ROBO2: variants seen among roughly 807,000 people sequenced by gnomAD.
ROBO2 encodes the protein roundabout homolog 2.
ROBO2 carries 53 observed loss-of-function variants against 160.8 expected under a neutral mutation model. The observed-to-expected ratio is 0.33, with a 90% CI of 0.26 to 0.41. ROBO2 has a LOEUF of 0.41. Among genes scored for constraint, ROBO2 ranks in the 10% least tolerant of loss-of-function variants. The pLI, the probability that ROBO2 is intolerant of heterozygous loss-of-function variation, is 1.00. For synonymous variants in ROBO2, 664 were observed against 611.7 expected (o/e 1.09, Z -1.26); for missense variants, 1,577 against 1,722.4 (o/e 0.92, Z 1.49).
chr3:76,287,641 T>C (rs1223943339), intron 2 of ROBO2, among the ~76,000 whole-genome samples: 1 of 152,170 alleles, frequency 6.6e-6, no homozygotes, highest in Non-Finnish European at 1.5e-5. Context: ...TTTTGCGTAT[T>C]GGAAGGCAGT....
At chr3:77,166,863 CAG>C (rs1439604525) in intron 2 of ROBO2, among the ~76,000 whole-genome samples, 2 of 152,164 alleles carry the variant, frequency 1.3e-5, no homozygotes, top group Non-Finnish European at 2.9e-5. Flanking sequence ...CCGGCCGACA[CAG>C]AGGTTTTTAA....
intron 1 of ROBO2, among the ~76,000 whole-genome samples, chr3:77,057,723 A>G (rs1236541676): frequency 1.3e-5 from 2 of 151,944 alleles, no homozygotes; most frequent in Non-Finnish European, 2.9e-5. Flanking sequence ...GGCACGTGCC[A>G]CCACACTCAG....
intron 6 of ROBO2, among the ~76,000 whole-genome samples, chr3:77,541,851 A>C (rs1429060709): frequency 6.6e-6 from 1 of 152,212 alleles, no homozygotes; most frequent in Non-Finnish European, 1.5e-5. Flanking sequence ...TGCCATTTTT[A>C]TAACAGGCAT....
intron 2 of ROBO2, among the ~76,000 whole-genome samples, chr3:76,591,839 C>G (rs1043161709): frequency 2.6e-5 from 4 of 151,964 alleles, no homozygotes; most frequent in African/African-American, 9.7e-5. Flanking sequence ...TTGGGGCTCT[C>G]TGTGTGAAAG....
chr3:77,068,500 T>C (rs2067090950), intron 1 of ROBO2, among the ~76,000 whole-genome samples: 1 of 152,120 alleles, frequency 6.6e-6, no homozygotes, highest in Admixed American at 6.6e-5. Context: ...TTTCCATTGC[T>C]GGTTTCTAAA....
intron 2 of ROBO2, among the ~76,000 whole-genome samples, chr3:77,339,760 T>G (rs1043147142): frequency 6.6e-6 from 1 of 150,852 alleles, no homozygotes; most frequent in Non-Finnish European, 1.5e-5. Context: ...ATAATATATA[T>G]TTTAAAAAAA....
chr3:77,353,602 C>A (rs997486913), intron 2 of ROBO2, among the ~76,000 whole-genome samples: 7 of 152,106 alleles, frequency 4.6e-5, no homozygotes, highest in African/African-American at 1.7e-4. Context: ...CCTCCGCCTC[C>A]TGGGTTCAGG....
intron 2 of ROBO2, among the ~76,000 whole-genome samples, chr3:76,509,156 G>C (rs1296786403): frequency 6.6e-6 from 1 of 152,102 alleles, no homozygotes; most frequent in Non-Finnish European, 1.5e-5. Context: ...TGTAGAAAAA[G>C]GTAGTTTTTC....
At chr3:77,571,260 T>A (rs184594729) in intron 13 of ROBO2, among the ~76,000 whole-genome samples, 2 of 152,156 alleles carry the variant, frequency 1.3e-5, no homozygotes, top group East Asian at 3.9e-4. Flanking sequence ...TTGCTTTATA[T>A]TGAGTTGTTA....
chr3:76,921,608 T>C (rs951700489), intron 2 of ROBO2, among the ~76,000 whole-genome samples: 2 of 152,206 alleles, frequency 1.3e-5, no homozygotes, highest in Non-Finnish European at 2.9e-5. Context: ...CAAGTCTCTG[T>C]ACCTAATTTT....
chr3:76,598,316 G>GT (rs1188491019), intron 2 of ROBO2, among the ~76,000 whole-genome samples: 1 of 151,896 alleles, frequency 6.6e-6, no homozygotes, highest in Admixed American at 6.6e-5. Flanking sequence ...TGTTTGTTTT[G>GT]TTTTTTTGTT....
At chr3:77,463,080 G>A (rs558239957) in intron 2 of ROBO2, among the ~76,000 whole-genome samples, 2 of 152,182 alleles carry the variant, frequency 1.3e-5, no homozygotes, top group Admixed American at 1.3e-4. Context: ...GCACCATGAG[G>A]GGACCATCTT....
intron 2 of ROBO2, among the ~76,000 whole-genome samples, chr3:76,491,430 A>G (rs1014284225): frequency 3.3e-5 from 5 of 152,132 alleles, no homozygotes; most frequent in Non-Finnish European, 7.3e-5. Context: ...GTAGAATGAG[A>G]GAGACTGAGT....
At chr3:76,244,491 T>A (rs1312689592) in intron 2 of ROBO2, among the ~76,000 whole-genome samples, 1 of 152,158 alleles carries the variant, frequency 6.6e-6, no homozygotes, top group East Asian at 1.9e-4. Context: ...GAAAAATCAA[T>A]CAAGCCCCTA....
At chr3:77,080,884 G>A (rs1004927654) in intron 1 of ROBO2, among the ~76,000 whole-genome samples, 9 of 152,058 alleles carry the variant, frequency 5.9e-5, no homozygotes, top group Admixed American at 2.0e-4. Context: ...TATATTAATC[G>A]GATTACATAA....
chr3:77,604,116 C>T (rs954098394), intron 20 of ROBO2: 1 of 152,066 alleles, frequency 6.6e-6, no homozygotes, highest in African/African-American at 2.4e-5. Context: ...TCCCTCTTCC[C>T]TTCAAAATGG....
chr3:76,975,151 T>C lies in ROBO2; in HGVS notation c.110-122863T>C, dbSNP rs142103909. On this transcript the variant is annotated intron_variant, in intron 2 of 26. Coordinates refer to the ROBO2 transcript ENST00000487694. ...GTCATTGTTTATTGTGTACTTGTGT[T>C]CTTGGATCTTTGAAACAAATCTCAA... Among the ~76,000 whole-genome samples the C allele has an allele frequency of 4.0e-3, 614 of 152,308 alleles. 8 individuals are homozygous for C. Among genetic ancestry groups the C allele is most frequent in the Non-Finnish European group, 3.7e-3 (251 of 68,026 alleles).
chr3:76,898,935 T>C (rs999729011), intron 2 of ROBO2, among the ~76,000 whole-genome samples: 6 of 152,188 alleles, frequency 3.9e-5, no homozygotes. Flanking sequence ...ATCAGGAACG[T>C]GGACATTCAA....
rs60357417 is a variant in ROBO2 at position 77,374,169 on chromosome 3, C to CAAAAAAAA, written c.389-103218_389-103211dup. Among the ~76,000 whole-genome samples, 5 of 40,108 alleles carry CAAAAAAAA rather than the reference C, an allele frequency of 1.2e-4. 1 individual carries two copies. Among genetic ancestry groups the CAAAAAAAA allele is most frequent in the African/African-American group, 7.4e-4 (5 of 6,760 alleles). The allele number at this position is 40,108 out of a possible 152,430, so 26.3% of individuals were successfully genotyped here. On this transcript the variant is annotated intron_variant, in intron 2 of 25. Transcript: ENST00000461745. ...CAGGCCGACAACAGCGAGACTCCATCAAAAAAAAAAAAAAAAAAAAAAAAA... is the reference window on the plus strand; with the variant it reads ...CAGGCCGACAACAGCGAGACTCCATCAAAAAAAAAAAAAAAAAAAAAAAAAAAAAAAAA...
Sources: gnomAD v4.1 joint callset for allele counts (sites outside exome capture counted in the v4.1 genomes callset) on GRCh38, gnomAD v4.1.1 for gene constraint, MANE v1.5 for transcripts, NCBI Gene and HGNC (gene_info 2026-07-23, HGNC 2026-07-21) for gene names.